The following RIPK4 variants were observed in gnomAD, a reference collection of about 807,000 sequenced individuals.
The protein encoded by RIPK4 is receptor interacting serine/threonine kinase 4.
In RIPK4, 17 loss-of-function variants were observed where a neutral mutation model predicts 42.9. The observed-to-expected ratio is 0.40, with a 90% confidence interval of 0.27 to 0.59. RIPK4 has a LOEUF of 0.59. RIPK4 is among the 20% of genes least tolerant of loss of function. RIPK4 has a pLI of 0.47. For synonymous variants in RIPK4, 498 were observed against 499.1 expected (o/e 1.00, Z 0.03); for missense variants, 897 against 1,104.4 (o/e 0.81, Z 2.66).
At position 41,741,743 on chromosome 21, in the gene RIPK4, G is replaced by A. The variant is rs760041710; in HGVS notation, c.1450C>T (p.Arg484Trp). 6.2e-6 allele frequency: 10 copies of A among 1,612,124 alleles called. No homozygotes were observed. Among genetic ancestry groups the A allele is most frequent in the South Asian group, 2.2e-5 (2 of 91,092 alleles). The change falls in exon 8 of 8, where the codon CGG (arginine) becomes TGG (tryptophan). Residue 484 changes from arginine (R) to tryptophan (W), a missense_variant. Arg to Trp is a moderately radical substitution (Grantham distance 101, BLOSUM62 -3). Coordinates refer to ENST00000332512, the MANE Select transcript of RIPK4 (RefSeq NM_020639.3). ...PLHMAVERRV[R>W]GVVELLLARK... Reference sequence around the variant, plus strand: ...GCCAGCAGGAGCTCCACGACACCCCGCACCCTCCTCTCCACGGCCATGTGC... The same window carrying A: ...GCCAGCAGGAGCTCCACGACACCCCACACCCTCCTCTCCACGGCCATGTGC...
intron 5 of RIPK4, 62 bp downstream of exon 5, chr21:41,746,547 CCTGT>C (rs1229128121): frequency 1.6e-5 from 26 of 1,576,120 alleles, no homozygotes; most frequent in Admixed American, 8.9e-5. Context: ...CTCACCCTGT[CCTGT>C]CTGTCACCTC....
rs1027004543 is a variant in RIPK4, at chr21:41,751,672, C to G, written c.475-427G>C. ...AGACCAGGTCTGCTCCTAGAGAAGT[C>G]GGGGAGCAGGTTATGCAACCTGCCA... On this transcript the variant is annotated intron_variant, in intron 2 of 7. Coordinates refer to ENST00000332512, the MANE Select transcript of RIPK4 (RefSeq NM_020639.3). This position sits in a 1 kb window ranked among gnomAD's most constrained non-coding sequence, Gnocchi z 4.5. Among the ~76,000 whole-genome samples the G allele has an allele frequency of 1.3e-5, 2 of 152,190 alleles. No individual in the cohort carries two copies. The highest frequency in any genetic ancestry group is 2.9e-5 in the Non-Finnish European group (2 of 68,038).
At chr21:41,746,265 A>G in intron 5 of RIPK4, 1 of 579,592 alleles carries the variant, frequency 1.7e-6, no homozygotes, top group Non-Finnish European at 3.1e-6. Flanking sequence ...ACTCCTCAAG[A>G]GAAGGGCGAC....
At chr21:41,757,140 T>TG (rs915873922) in intron 1 of RIPK4, among the ~76,000 whole-genome samples, 3 of 152,116 alleles carry the variant, frequency 2.0e-5, no homozygotes, top group East Asian at 3.9e-4. Context: ...AGCCAAGGCT[T>TG]GGGGGTCTCA....
intron 1 of RIPK4, among the ~76,000 whole-genome samples, chr21:41,761,037 C>T (rs2061218894): frequency 6.6e-6 from 1 of 152,240 alleles, no homozygotes; most frequent in African/African-American, 2.4e-5. Context: ...CTTCCTCCCT[C>T]TCCAGGGGAA....
rs757188281 is a variant in RIPK4 at position 41,756,855 on chromosome 21, ACT to A, written c.183-41_183-40del. On this transcript the variant is annotated intron_variant, in intron 1 of 7. Coordinates refer to ENST00000332512, the MANE Select transcript of RIPK4 (RefSeq NM_020639.3). Reference sequence around the variant, plus strand: ...AAGGCATGAAGAATACGCAATGGTCACTCAGCCACAAACATGGAACAGCACCC... The same window carrying A: ...AAGGCATGAAGAATACGCAATGGTCACAGCCACAAACATGGAACAGCACCC... The A allele has an allele frequency of 6.3e-6, 10 of 1,588,142 alleles. No homozygotes were observed. The South Asian group carries it at 1.1e-4, about 18-fold the overall frequency.
rs760894281 is a variant in RIPK4, at chr21:41,741,018, G to A, written c.2175C>T (p.Ala725=). The part of the protein sequence containing the change: ...HSEVVEELVS[A]DVIDLFDEQG... ...GCTCGTCGAACAGGTCAATGACATC[G>A]GCGCTGACCAACTCCTCCACCACCT... is the stretch of plus-strand genomic sequence containing the variant. Residue 725 remains alanine (A), a synonymous_variant, in exon 8 of 8, where the codon GCC becomes GCT. Transcript: ENST00000332512. 14 of 1,609,246 alleles carry A rather than the reference G, an allele frequency of 8.7e-6. No individual in the cohort carries two copies. The highest frequency in any genetic ancestry group is 2.2e-5 in the South Asian group (2 of 91,002).
Position 41,751,473 on chromosome 21 carries a change from C to A in RIPK4, c.475-228G>T, listed in dbSNP as rs984616773. ...CATTAGGAGCAGCACATTTGACGGG[C>A]AGGTGAAAGAATCGTACTGTAAGGA... On this transcript the variant is annotated intron_variant, in intron 2 of 7. Transcript: ENST00000332512. This position sits in a 1 kb window ranked among gnomAD's most constrained non-coding sequence, Gnocchi z 4.5. Among the ~76,000 whole-genome samples the A allele has an allele frequency of 3.9e-5, 6 of 152,142 alleles. No homozygotes were observed. Among genetic ancestry groups the A allele is most frequent in the Non-Finnish European group, 8.8e-5 (6 of 68,032 alleles).
Position 41,746,550 on chromosome 21 carries a change from G to A in RIPK4, c.832+63C>T, listed in dbSNP as rs545888165. The A allele has an allele frequency of 2.7e-5, 43 of 1,581,774 alleles. No homozygotes were observed. The Admixed American group carries it at 6.2e-4, about 23-fold the overall frequency. ...CAGGCCTGGTCCCTCACCCTGTCCT[G>A]TCTGTCACCTCTGTCTCCTGTGACA... On this transcript the variant is annotated intron_variant, in intron 5 of 7. Coordinates refer to ENST00000332512, the MANE Select transcript of RIPK4 (RefSeq NM_020639.3).
chr21:41,764,750 C>T (rs1291284859), intron 1 of RIPK4, among the ~76,000 whole-genome samples: 1 of 152,160 alleles, frequency 6.6e-6, no homozygotes, highest in African/African-American at 2.4e-5. Context: ...TCAATACAGT[C>T]AATAATTAAC....
In RIPK4 at chr21:41,741,048, G is replaced by A. The variant is rs61739694; in HGVS notation, c.2145C>T (p.His715=). The A allele has an allele frequency of 9.2e-4, 1,476 of 1,609,908 alleles. 19 individuals carry two copies. The highest frequency in any genetic ancestry group is 2.0e-4 in the Non-Finnish European group (231 of 1,179,300). ...TALHLAAAHG[H]SEVVEELVSA... ...TGACCAACTCCTCCACCACCTCCGA[G>A]TGCCCGTGGGCGGCAGCCAGGTGCA... Residue 715 remains histidine (H), a synonymous_variant, in exon 8 of 8, where the codon CAC becomes CAT. Transcript: ENST00000332512.
chr21:41,743,704 A>G (rs1005737428), intron 7 of RIPK4, among the ~76,000 whole-genome samples, 178 bp downstream of exon 7: 2 of 152,246 alleles, frequency 1.3e-5, no homozygotes, highest in East Asian at 3.8e-4. Flanking sequence ...TAAGTGACAT[A>G]AGACGGAGCC....
chr21:41,752,601 G>A (rs1262656191), intron 2 of RIPK4, among the ~76,000 whole-genome samples: 3 of 152,166 alleles, frequency 2.0e-5, no homozygotes, highest in East Asian at 1.9e-4. Context: ...CAGGGAAAGC[G>A]CCAGCTCCCC....
chr21:41,740,886 C>T lies in RIPK4; in HGVS notation c.2307G>A (p.Gln769=), dbSNP rs151032253. The T allele has an allele frequency of 3.7e-6, 6 of 1,611,770 alleles. No individual in the cohort carries two copies. The African/African-American group carries it at 8.0e-5, about 22-fold the overall frequency. ...AHINLQSLKF[Q]GGHGPAATLL... is the part of the protein sequence containing the mutation. ...GCGTGGCGGCGGGGCCATGGCCGCC[C>T]TGGAACTTGAGGCTCTGCAGGTTGA... Residue 769 remains glutamine (Q), a synonymous_variant, in exon 8 of 8, where the codon CAG becomes CAA. Coordinates refer to ENST00000332512, the MANE Select transcript of RIPK4 (RefSeq NM_020639.3).
chr21:41,751,325 G>T lies in RIPK4; in HGVS notation c.475-80C>A. ...GATGCTTTATCAAAAGCTCCCTTCT[G>T]CAATCTCAGAGGGTGGGTGAGAGCT... On this transcript the variant is annotated intron_variant, in intron 2 of 7. Coordinates refer to ENST00000332512, the MANE Select transcript of RIPK4 (RefSeq NM_020639.3). The surrounding 1 kb of genome is among the most constrained non-coding windows in gnomAD (Gnocchi z 4.5). The T allele has an allele frequency of 1.3e-6, 2 of 1,558,024 alleles. No individual in the cohort carries two copies. Among genetic ancestry groups the T allele is most frequent in the East Asian group, 2.3e-5 (1 of 44,002 alleles).
In RIPK4 at chr21:41,755,443, G is replaced by A. The variant is rs921215431; in HGVS notation, c.474+1082C>T. On this transcript the variant is annotated intron_variant, in intron 2 of 7. Coordinates refer to ENST00000332512, the MANE Select transcript of RIPK4 (RefSeq NM_020639.3). This position sits in a 1 kb window ranked among gnomAD's most constrained non-coding sequence, Gnocchi z 4.2. ...GAGTCTGGGCACAGGGAGCGGCCGTGCGCATGCCATACGAGCCACCGCTCC... is the reference window on the plus strand; with the variant it reads ...GAGTCTGGGCACAGGGAGCGGCCGTACGCATGCCATACGAGCCACCGCTCC... Among the ~76,000 whole-genome samples, 2 of 152,200 alleles carry A rather than the reference G, an allele frequency of 1.3e-5. No individual in the cohort carries two copies. The highest frequency in any genetic ancestry group is 2.9e-5 in the Non-Finnish European group (2 of 68,024).
intron 2 of RIPK4, among the ~76,000 whole-genome samples, chr21:41,754,950 T>A (rs1016993859): frequency 3.9e-5 from 6 of 152,204 alleles, no homozygotes; most frequent in African/African-American, 1.4e-4. Flanking sequence ...GAGGCCACCG[T>A]CCACTCTGCA....
chr21:41,763,600 G>C (rs894373278), intron 1 of RIPK4, among the ~76,000 whole-genome samples: 2 of 152,230 alleles, frequency 1.3e-5, no homozygotes. Context: ...GGAAAATGCA[G>C]CCGGAAAATG....
chr21:41,746,176 C>T (rs748687789), intron 5 of RIPK4: 9 of 642,556 alleles, frequency 1.4e-5, no homozygotes, highest in South Asian at 6.0e-5. Context: ...CGTTTCCTGC[C>T]GTAAGCTTTA....
Sources: allele counts gnomAD v4.1 joint callset (sites outside exome capture counted in the v4.1 genomes callset), GRCh38; gene constraint gnomAD v4.1.1; non-coding constraint Gnocchi (gnomAD v3.1); transcripts MANE v1.5; gene names NCBI Gene and HGNC (gene_info 2026-07-23, HGNC 2026-07-21).